SIPA1L2: variants seen among roughly 807,000 people sequenced by gnomAD.
SIPA1L2 encodes the protein signal induced proliferation associated 1 like 2.
A neutral mutation model predicts 163.9 loss-of-function variants in SIPA1L2; 56 were observed. The ratio of observed to expected loss-of-function variants is 0.34; its 90% CI spans 0.28 to 0.43. The LOEUF is 0.43. SIPA1L2 is among the 20% of genes least tolerant of loss of function. The pLI is 1.00. For missense variants in SIPA1L2, 1,974 were observed against 2,193.5 expected, an observed-to-expected ratio of 0.90 and a Z score of 2.00; for synonymous variants, 877 against 865.7, an observed-to-expected ratio of 1.01 and a Z score of -0.23.
rs1558277873 is a variant in SIPA1L2, at chr1:232,572,770, TA to T, written c.-270+1403del. Among the ~76,000 whole-genome samples, 841 of 117,992 alleles carry T rather than the reference TA, an allele frequency of 7.1e-3. 27 individuals are homozygous for T. Among genetic ancestry groups the T allele is most frequent in the Admixed American group, 0.056 (571 of 10,174 alleles). 77.4% of individuals were successfully genotyped at this position (117,992 alleles called of 152,430 possible). A position where few individuals can be genotyped will look rare whatever the true frequency, so the allele number is the denominator to read the frequency against. On this transcript the variant is annotated intron_variant, in intron 2 of 22. Coordinates refer to ENST00000674635, the MANE Select transcript of SIPA1L2 (RefSeq NM_020808.5). ...ATATATATATATATATATATATATA[TA>T]TATATATATTTATTTATTTATTTTT... is the stretch of plus-strand genomic sequence containing the variant.
At chr1:232,444,541 G>A (rs1336371718) in intron 11 of SIPA1L2, among the ~76,000 whole-genome samples, 1 of 152,158 alleles carries the variant, frequency 6.6e-6, no homozygotes, top group Non-Finnish European at 1.5e-5. Context: ...ATAAAAATTG[G>A]AGAAGGGAGA....
intron 6 of SIPA1L2, among the ~76,000 whole-genome samples, chr1:232,480,979 T>C (rs972425906): frequency 6.6e-6 from 1 of 152,192 alleles, no homozygotes; most frequent in Non-Finnish European, 1.5e-5. Flanking sequence ...ATAGAGTTCT[T>C]AGATGCTCCA....
intron 2 of SIPA1L2, among the ~76,000 whole-genome samples, chr1:232,542,853 T>C (rs769688397): frequency 5.3e-5 from 8 of 152,222 alleles, no homozygotes; most frequent in Admixed American, 1.3e-4. Flanking sequence ...TTCGCTCATA[T>C]ATACTCCTCT....
At chr1:232,469,167 C>T (rs1210173534) in intron 8 of SIPA1L2, among the ~76,000 whole-genome samples, 3 of 152,106 alleles carry the variant, frequency 2.0e-5, no homozygotes, top group Non-Finnish European at 2.9e-5. Flanking sequence ...GCATTGGTAC[C>T]GTGGGTCCGC....
intron 10 of SIPA1L2, among the ~76,000 whole-genome samples, chr1:232,446,140 T>C (rs1250117456): frequency 2.0e-5 from 3 of 152,148 alleles, no homozygotes; most frequent in Non-Finnish European, 4.4e-5. Flanking sequence ...AAGCAGCTGT[T>C]CCAAGACCCC....
At chr1:232,407,271 C>T (rs1018148700) in intron 19 of SIPA1L2, among the ~76,000 whole-genome samples, 2 of 150,550 alleles carry the variant, frequency 1.3e-5, no homozygotes, top group Non-Finnish European at 2.9e-5. Context: ...ATTTTTCTTT[C>T]CATTTTTTTT....
At position 232,415,609 on chromosome 1, in the gene SIPA1L2, G is replaced by C. The variant is rs372037126; in HGVS notation, c.4647C>G (p.Ser1549=). 1.2e-6 allele frequency: 2 copies of C among 1,613,990 alleles called. No homozygotes were observed. The highest frequency in any genetic ancestry group is 1.7e-6 in the Non-Finnish European group (2 of 1,179,952). Residue 1549 remains serine, a synonymous_variant, in exon 19 of 23, where the codon TCC becomes TCG. Coordinates refer to ENST00000674635, the MANE Select transcript of SIPA1L2 (RefSeq NM_020808.5). The part of the protein sequence containing the change: ...MGSLRNEFWF[S]DGSLSDKSKC... ...TGGACTTATCTGATAAGGACCCATC[G>C]GAGAACCAGAACTCATCTAAACAGA... is the stretch of plus-strand genomic sequence containing the variant.
At chr1:232,414,632 C>T (rs1309657021) in intron 19 of SIPA1L2, among the ~76,000 whole-genome samples, 3 of 152,158 alleles carry the variant, frequency 2.0e-5, no homozygotes, top group Admixed American at 6.5e-5. Flanking sequence ...TCTCACAGAG[C>T]GCAGGGCATT....
Position 232,398,952 on chromosome 1 carries a change from GTGGT to G in SIPA1L2, c.*171_*174del. 1 of 770,366 alleles carries G rather than the reference GTGGT, an allele frequency of 1.3e-6. No homozygotes were observed. The highest frequency in any genetic ancestry group is 1.9e-5 in the South Asian group (1 of 53,370). 47.7% of individuals were successfully genotyped at this position (770,366 alleles called of 1,614,324 possible). On this transcript the variant is annotated 3_prime_UTR_variant, in exon 23 of 23. Transcript: ENST00000674635. The stretch of plus-strand genomic sequence containing the variant: ...CTTCACATCGGCGCTGCTCTCTGCC[GTGGT>G]TACCGAGAAAGAGTCGAGGCTCCCT...
intron 2 of SIPA1L2, among the ~76,000 whole-genome samples, chr1:232,556,285 T>C (rs1376807415): frequency 6.6e-6 from 1 of 152,234 alleles, no homozygotes; most frequent in Non-Finnish European, 1.5e-5. Flanking sequence ...ATCTATCTCA[T>C]CTGTTGGCAT....
chr1:232,451,479 T>A (rs1365912992), intron 10 of SIPA1L2, among the ~76,000 whole-genome samples: 1 of 152,140 alleles, frequency 6.6e-6, no homozygotes, highest in African/African-American at 2.4e-5. Context: ...AAAGGCTAAC[T>A]GAAACCCGAA....
intron 19 of SIPA1L2, among the ~76,000 whole-genome samples, chr1:232,413,177 G>A (rs939992838): frequency 6.6e-6 from 1 of 152,174 alleles, no homozygotes; most frequent in Non-Finnish European, 1.5e-5. Context: ...CAGATGAGAA[G>A]ACTGAAGCCC....
intron 3 of SIPA1L2, among the ~76,000 whole-genome samples, chr1:232,502,172 T>G (rs2103019222): frequency 6.6e-6 from 1 of 152,310 alleles, no homozygotes; most frequent in Non-Finnish European, 1.5e-5. Context: ...AGACCCTTTC[T>G]TAACCTCAGA....
intron 1 of SIPA1L2, among the ~76,000 whole-genome samples, chr1:232,615,517 A>C (rs1308619817): frequency 2.0e-5 from 3 of 152,182 alleles, no homozygotes; most frequent in Admixed American, 6.5e-5. Flanking sequence ...AGGGCCCTGC[A>C]GTCATTCGAA....
chr1:232,607,496 G>A (rs917983758), intron 1 of SIPA1L2, among the ~76,000 whole-genome samples: 2 of 152,032 alleles, frequency 1.3e-5, no homozygotes, highest in African/African-American at 4.8e-5. Flanking sequence ...ATTTCGTGGG[G>A]TAAATTGCCC....
At chr1:232,572,764 TATATATATATATA>T (rs1558277779) in intron 2 of SIPA1L2, among the ~76,000 whole-genome samples, 3 of 90,466 alleles carry the variant, frequency 3.3e-5, no homozygotes, top group South Asian at 6.3e-4. Flanking sequence ...TATATATATA[TATATATATATATA>T]TATTTATTTA....
At chr1:232,428,898 C>G (rs1304459218) in intron 16 of SIPA1L2, among the ~76,000 whole-genome samples, 3 of 152,134 alleles carry the variant, frequency 2.0e-5, no homozygotes, top group Non-Finnish European at 2.9e-5. Context: ...AATAATTCAT[C>G]AGAGATGATC....
At chr1:232,579,846 G>A (rs567839918) in intron 1 of SIPA1L2, among the ~76,000 whole-genome samples, 1 of 152,192 alleles carries the variant, frequency 6.6e-6, no homozygotes, top group African/African-American at 2.4e-5. Flanking sequence ...GAAATGGCCA[G>A]ATGGGTGAAG....
At chr1:232,443,203 C>A (rs1250108031) in intron 12 of SIPA1L2, among the ~76,000 whole-genome samples, 1 of 152,194 alleles carries the variant, frequency 6.6e-6, no homozygotes, top group African/African-American at 2.4e-5. Context: ...CTATAAAGGG[C>A]AGCTCTCAGC....
Sources: allele counts gnomAD v4.1 joint callset (sites outside exome capture counted in the v4.1 genomes callset), GRCh38; gene constraint gnomAD v4.1.1; transcripts MANE v1.5; gene names NCBI Gene and HGNC (gene_info 2026-07-23, HGNC 2026-07-21).